MAPK10: variants seen among roughly 807,000 people sequenced by gnomAD.
The protein encoded by MAPK10 is mitogen-activated protein kinase 10, also known as JNK3 alpha protein kinase.
In MAPK10, 25 loss-of-function variants were observed where a neutral mutation model predicts 59.3. That is an observed-to-expected ratio of 0.42 (90% CI 0.31 to 0.59). MAPK10 has a LOEUF of 0.59. MAPK10 is among the 20% of genes least tolerant of loss of function. The pLI, the probability that MAPK10 is intolerant of heterozygous loss-of-function variation, is 0.15. For missense variants in MAPK10, 351 were observed against 568.9 expected (o/e 0.62, Z 3.90); for synonymous variants, 190 against 200.5 (o/e 0.95, Z 0.44).
At chr4:86,333,395 C>T (rs2096202180) in intron 2 of MAPK10, among the ~76,000 whole-genome samples, 1 of 152,198 alleles carries the variant, frequency 6.6e-6, no homozygotes, top group African/African-American at 2.4e-5. Context: ...CCTAGCTCCT[C>T]ACCTTCCAGC....
At chr4:86,413,623 G>A (rs1745482490) in intron 1 of MAPK10, among the ~76,000 whole-genome samples, 1 of 152,182 alleles carries the variant, frequency 6.6e-6, no homozygotes, top group Non-Finnish European at 1.5e-5. Context: ...CTCAGCAATG[G>A]CAGACACCCC....
At chr4:86,178,689 T>C (rs989383453) in intron 3 of MAPK10, among the ~76,000 whole-genome samples, 1 of 152,066 alleles carries the variant, frequency 6.6e-6, no homozygotes, top group Non-Finnish European at 1.5e-5. Flanking sequence ...TCAAAGCAAT[T>C]AGACATTAGA....
At chr4:86,580,592 T>C (rs1762196512) in intron 1 of MAPK10, among the ~76,000 whole-genome samples, 1 of 152,224 alleles carries the variant, frequency 6.6e-6, no homozygotes, top group African/African-American at 2.4e-5. Flanking sequence ...TATGCAACTT[T>C]ATCAAATATT....
At chr4:86,178,253 T>G (rs867311474) in intron 3 of MAPK10, among the ~76,000 whole-genome samples, 10 of 152,130 alleles carry the variant, frequency 6.6e-5, no homozygotes, top group African/African-American at 2.4e-4. Flanking sequence ...AGTGGTATTA[T>G]AAAGATAAAA....
chr4:86,244,861 A>G (rs1326409517), intron 2 of MAPK10, among the ~76,000 whole-genome samples: 1 of 152,118 alleles, frequency 6.6e-6, no homozygotes, highest in Non-Finnish European at 1.5e-5. Flanking sequence ...GAGTCTGAGA[A>G]ATTTTCTTTT....
At chr4:86,527,059 A>G (rs1757514253) in intron 1 of MAPK10, among the ~76,000 whole-genome samples, 1 of 152,108 alleles carries the variant, frequency 6.6e-6, no homozygotes, top group South Asian at 2.1e-4. Context: ...CTATAGTCCC[A>G]GCATTTTTGG....
At chr4:86,100,973 A>G in intron 8 of MAPK10, 79 bp downstream of exon 8, 1 of 1,284,540 alleles carries the variant, frequency 7.8e-7, no homozygotes, top group Non-Finnish European at 1.1e-6. Flanking sequence ...TACATAAAAG[A>G]GAACATTCCC....
At chr4:86,234,513 CTG>C (rs779206826) in intron 2 of MAPK10, among the ~76,000 whole-genome samples, 6 of 151,944 alleles carry the variant, frequency 3.9e-5, no homozygotes, top group Non-Finnish European at 7.4e-5. Flanking sequence ...TTTATCTAAT[CTG>C]TGAATATCTA....
At position 86,040,867 on chromosome 4, in the gene MAPK10, C is replaced by T. The variant is rs536806045; in HGVS notation, c.1111-9436G>A. 4.6e-5 allele frequency: 7 copies of T among 152,284 alleles called. No homozygotes were observed. In the South Asian group the frequency reaches 1.5e-3, roughly 32 times the overall value. 9.4% of individuals were successfully genotyped at this position (152,284 alleles called of 1,614,324 possible). A position where few individuals can be genotyped will look rare whatever the true frequency, so the allele number is the denominator to read the frequency against. On this transcript the variant is annotated intron_variant, in intron 11 of 13. Coordinates refer to ENST00000641462, the MANE Select transcript of MAPK10 (RefSeq NM_138982.4). ...ATAAAAAAACTATCAATTAGGAATACTGTACCCCACAAAGTTGTCCTTCAG... is the reference window on the plus strand; with the variant it reads ...ATAAAAAAACTATCAATTAGGAATATTGTACCCCACAAAGTTGTCCTTCAG...
chr4:86,089,115 A>G, intron 9 of MAPK10: 1 of 970,376 alleles, frequency 1.0e-6, no homozygotes, highest in Non-Finnish European at 1.6e-6. Flanking sequence ...AAGGACAGTG[A>G]ACAAATACCA....
intron 2 of MAPK10, among the ~76,000 whole-genome samples, chr4:86,206,015 C>T (rs948577468): frequency 1.3e-5 from 2 of 151,712 alleles, no homozygotes; most frequent in Non-Finnish European, 2.9e-5. Flanking sequence ...AACTGTTCTC[C>T]ACTGAAGACA....
At chr4:86,572,108 T>C (rs572005282) in intron 1 of MAPK10, among the ~76,000 whole-genome samples, 35 of 152,284 alleles carry the variant, frequency 2.3e-4, no homozygotes, top group Non-Finnish European at 3.1e-4. Flanking sequence ...AGTTCATACA[T>C]GCACATATAT....
chr4:86,137,336 C>G (rs2062459298), intron 4 of MAPK10, among the ~76,000 whole-genome samples: 1 of 149,326 alleles, frequency 6.7e-6, no homozygotes. Context: ...CAAACTATCT[C>G]TCAGACCACA....
At chr4:86,072,371 G>T (rs2048229352) in intron 9 of MAPK10, among the ~76,000 whole-genome samples, 1 of 151,520 alleles carries the variant, frequency 6.6e-6, no homozygotes, top group Non-Finnish European at 1.5e-5. Context: ...GTTCCTAATT[G>T]AATACCGTTT....
intron 2 of MAPK10, among the ~76,000 whole-genome samples, chr4:86,256,730 C>CT (rs2093735025): frequency 1.1e-5 from 1 of 87,724 alleles, no homozygotes; most frequent in Non-Finnish European, 2.2e-5. Flanking sequence ...TCTTTTCTTT[C>CT]TTTCTTTTTT....
rs371433026 is a variant in MAPK10 at position 86,430,996 on chromosome 4, A to G, written c.-122+22034T>C. ...CAGAAACAGGAATAAAAGCCAGGCT[A>G]TTATTATAAGAAGGCTATTGCAATG... On this transcript the variant is annotated intron_variant, in intron 1 of 13. Coordinates refer to the MAPK10 transcript ENST00000361569. Among the ~76,000 whole-genome samples, 161 of 152,254 alleles carry G rather than the reference A, an allele frequency of 1.1e-3. 1 individual carries two copies. The highest frequency in any genetic ancestry group is 3.5e-3 in the African/African-American group (145 of 41,560).
chr4:86,300,934 GAGGGAA>G (rs2095460062), intron 2 of MAPK10: 2 of 151,142 alleles, frequency 1.3e-5, no homozygotes. Context: ...AGTGGGGAGA[GAGGGAA>G]CAGTTCCAAA....
At chr4:86,412,039 G>A (rs1006206964) in intron 1 of MAPK10, among the ~76,000 whole-genome samples, 35 of 152,128 alleles carry the variant, frequency 2.3e-4, no homozygotes, top group East Asian at 7.7e-4. Flanking sequence ...GGCTAGTACC[G>A]GTTGTCCCTT....
rs186976383 is a variant in MAPK10, at chr4:86,542,844, A to G, written c.-263+51066T>C. Among the ~76,000 whole-genome samples the G allele has an allele frequency of 1.9e-4, 29 of 152,274 alleles. 1 individual carries two copies. The highest frequency in any genetic ancestry group is 1.7e-3 in the Admixed American group (26 of 15,300). ...GATGTTTTCCATCTTGTTTTCATGC[A>G]ATCTCTGTCTGAAGGGACACTTCAC... On this transcript the variant is annotated intron_variant, in intron 1 of 4. Coordinates refer to the MAPK10 transcript ENST00000502302.
Sources: gnomAD v4.1 joint callset for allele counts (sites outside exome capture counted in the v4.1 genomes callset) on GRCh38, gnomAD v4.1.1 for gene constraint, MANE v1.5 for transcripts, NCBI Gene and HGNC (gene_info 2026-07-23, HGNC 2026-07-21) for gene names.